Variants in FAAH2 observed in about 807,000 individuals in gnomAD.
FAAH2 encodes fatty-acid amide hydrolase 2.
Under a neutral mutation model 36.9 loss-of-function variants are expected in FAAH2, and 60 were observed. That is an observed-to-expected ratio of 1.63 (90% confidence interval 1.32 to 2.02). The LOEUF (loss-of-function observed/expected upper bound fraction) is 2.02, where lower values mean the gene tolerates loss of function less well. Ranked by LOEUF, FAAH2 falls within the 30% of genes most tolerant of loss-of-function variation. The pLI is 0.00. For synonymous variants in FAAH2, 214 were observed against 143.8 expected (o/e 1.49, Z -3.49); for missense variants, 689 against 397.5 (o/e 1.73, Z -6.23).
At chrX:57,420,599 A>C (rs1026586365) in intron 7 of FAAH2, among the ~76,000 whole-genome samples, 1 of 110,177 alleles carries the variant, frequency 9.1e-6, no homozygotes, top group Non-Finnish European at 1.9e-5. Flanking sequence ...GAAGTTGCTT[A>C]TCAGCTTAAG....
the FAAH2 span, among the ~76,000 whole-genome samples, chrX:57,279,592 G>A: frequency 9.0e-6 from 1 of 110,741 alleles, no homozygotes; most frequent in African/African-American, 3.3e-5. Context: ...CAAACTTAAA[G>A]GATAATAATA....
chrX:57,476,296 C>A (rs780959658), intron 10 of FAAH2, among the ~76,000 whole-genome samples: 2 of 110,852 alleles, frequency 1.8e-5, no homozygotes, highest in Admixed American at 9.7e-5. Context: ...GGAATGCTTC[C>A]AGCTTTTACC....
the FAAH2 span, among the ~76,000 whole-genome samples, chrX:57,264,150 G>A: frequency 8.9e-6 from 1 of 111,829 alleles, no homozygotes; most frequent in African/African-American, 3.2e-5. Context: ...TTAGAATCTA[G>A]TGTTGACAAA....
At chrX:57,479,300 G>T (rs868329696) in intron 10 of FAAH2, among the ~76,000 whole-genome samples, 3 of 111,441 alleles carry the variant, frequency 2.7e-5, no homozygotes, top group South Asian at 3.7e-4. Flanking sequence ...GTCTGTTATT[G>T]GTATATAAGA....
At chrX:57,284,197 C>T (rs1045769556), upstream of FAAH2, among the ~76,000 whole-genome samples, 7 of 111,442 alleles carry the variant, frequency 6.3e-5, no homozygotes, top group Non-Finnish European at 1.1e-4. Context: ...TGGGCCTTAT[C>T]CTGCGGCGTG....
At chrX:57,460,336 A>G (rs1268515234) in intron 10 of FAAH2, among the ~76,000 whole-genome samples, 2 of 111,264 alleles carry the variant, frequency 1.8e-5, no homozygotes, top group Non-Finnish European at 3.8e-5. Context: ...CAAGAAGAGC[A>G]ACCCCAAGAC....
the FAAH2 span, chrX:57,135,737 T>C: frequency 8.6e-7 from 1 of 1,166,589 alleles, no homozygotes; most frequent in Non-Finnish European, 1.1e-6. Context: ...CCATAAGCTT[T>C]CAGTACACTG....
chrX:57,135,671 T>C, the FAAH2 span: 1 of 1,082,254 alleles, frequency 9.2e-7, no homozygotes, highest in Non-Finnish European at 1.2e-6. Flanking sequence ...CAAATTTGTA[T>C]TTTTTAGAGC....
the FAAH2 span, among the ~76,000 whole-genome samples, chrX:57,228,530 T>C: frequency 1.8e-5 from 2 of 111,148 alleles, no homozygotes; most frequent in African/African-American, 6.6e-5. Context: ...GCAGTCTGCT[T>C]CCTTTAGAGG....
the FAAH2 span, among the ~76,000 whole-genome samples, chrX:57,242,818 C>A: frequency 1.8e-4 from 20 of 112,200 alleles, no homozygotes; most frequent in African/African-American, 5.2e-4. Flanking sequence ...ATTTCAAGCA[C>A]AAAACTGGGC....
chrX:57,348,756 A>G (rs747626385), intron 5 of FAAH2, among the ~76,000 whole-genome samples: 1 of 111,325 alleles, frequency 9.0e-6, no homozygotes, highest in South Asian at 3.7e-4. Flanking sequence ...GCTCAACACA[A>G]CCAACATTAT....
At chrX:57,154,264 T>C in the FAAH2 span, among the ~76,000 whole-genome samples, 1 of 107,842 alleles carries the variant, frequency 9.3e-6, no homozygotes, top group Non-Finnish European at 1.9e-5. Context: ...TCATATGTTG[T>C]ATCTTTTTTT....
chrX:57,279,410 C>T, the FAAH2 span, among the ~76,000 whole-genome samples: 1 of 112,016 alleles, frequency 8.9e-6, no homozygotes, highest in South Asian at 3.7e-4. Flanking sequence ...AATGAGAACA[C>T]ATGGACACAG....
At chrX:57,403,609 T>G (rs760399668) in intron 7 of FAAH2, among the ~76,000 whole-genome samples, 1 of 112,831 alleles carries the variant, frequency 8.9e-6, no homozygotes, top group East Asian at 2.8e-4. Flanking sequence ...GATAGAGTTT[T>G]TTGATTCTGT....
intron 2 of FAAH2, among the ~76,000 whole-genome samples, chrX:57,295,069 T>G (rs1289580548): frequency 8.9e-6 from 1 of 111,995 alleles, no homozygotes; most frequent in Non-Finnish European, 1.9e-5. Flanking sequence ...AGGAAATGCC[T>G]GCAGAGCTGG....
the FAAH2 span, among the ~76,000 whole-genome samples, chrX:57,270,583 C>A: frequency 1.8e-5 from 2 of 111,604 alleles, no homozygotes; most frequent in South Asian, 3.8e-4. Flanking sequence ...CAGTTCCCAG[C>A]GAGATCGATG....
chrX:57,170,529 C>T, the FAAH2 span, among the ~76,000 whole-genome samples: 1 of 111,285 alleles, frequency 9.0e-6, no homozygotes, highest in Non-Finnish European at 1.9e-5. Flanking sequence ...TTTAGTGCAC[C>T]TGTCACCCGA....
chrX:57,302,543 A>G (rs943138158), intron 2 of FAAH2, among the ~76,000 whole-genome samples: 6 of 110,993 alleles, frequency 5.4e-5, no homozygotes, highest in Non-Finnish European at 9.4e-5. Flanking sequence ...GGAAGAAAAG[A>G]GTACTGTGGT....
the FAAH2 span, among the ~76,000 whole-genome samples, chrX:57,191,607 G>A: frequency 2.7e-5 from 3 of 111,779 alleles, no homozygotes; most frequent in African/African-American, 9.7e-5. Flanking sequence ...TCTTCTAGTA[G>A]TTTTATAGTT....
Sources: allele counts gnomAD v4.1 joint callset (sites outside exome capture counted in the v4.1 genomes callset), GRCh38; gene constraint gnomAD v4.1.1; transcripts MANE v1.5; gene names NCBI Gene and HGNC (gene_info 2026-07-23, HGNC 2026-07-21).